RAB3GAP1: variants seen among roughly 807,000 people sequenced by gnomAD.
RAB3GAP1 encodes rab3 GTPase-activating protein catalytic subunit.
Under a neutral mutation model 130.7 loss-of-function variants are expected in RAB3GAP1, and 86 were observed. The ratio of observed to expected loss-of-function variants is 0.66; its 90% CI spans 0.55 to 0.79. The LOEUF (loss-of-function observed/expected upper bound fraction) is 0.79, where lower values mean the gene tolerates loss of function less well. Among genes scored for constraint, RAB3GAP1 ranks in the 30% least tolerant of loss-of-function variants. The pLI, the probability that RAB3GAP1 is intolerant of heterozygous loss-of-function variation, is 0.00. For synonymous variants in RAB3GAP1, 367 were observed against 401.7 expected, an observed-to-expected ratio of 0.91 and a Z score of 1.03; for missense variants, 1,029 against 1,169.4, an observed-to-expected ratio of 0.88 and a Z score of 1.75.
At chr2:135,129,250 A>G (rs1440372042) in intron 11 of RAB3GAP1, among the ~76,000 whole-genome samples, 2 of 152,008 alleles carry the variant, frequency 1.3e-5, no homozygotes, top group Non-Finnish European at 2.9e-5. Flanking sequence ...CAGGAGATCG[A>G]GACCATCCTG....
At chr2:135,156,154 CAG>C (rs898384598) in intron 19 of RAB3GAP1, among the ~76,000 whole-genome samples, 3 of 151,962 alleles carry the variant, frequency 2.0e-5, no homozygotes, top group Non-Finnish European at 2.9e-5. Flanking sequence ...CCAGTAAAAA[CAG>C]AAAGTATAAA....
At chr2:135,138,109 G>T in intron 17 of RAB3GAP1, among the ~76,000 whole-genome samples, 1 of 151,870 alleles carries the variant, frequency 6.6e-6, no homozygotes, top group East Asian at 1.9e-4. Context: ...TTACAGACAT[G>T]ATCCACTGCA....
chr2:135,135,411 C>A, intron 16 of RAB3GAP1, 92 bp downstream of exon 16: 1 of 1,444,862 alleles, frequency 6.9e-7, no homozygotes, highest in South Asian at 1.2e-5. Flanking sequence ...ATGCTGTTCT[C>A]ATGGTGCTGC....
intron 3 of RAB3GAP1, among the ~76,000 whole-genome samples, chr2:135,074,345 T>C (rs1689561787): frequency 6.6e-6 from 1 of 152,170 alleles, no homozygotes; most frequent in South Asian, 2.1e-4. Context: ...GAGAGAGCCT[T>C]CCTCCCTTCT....
At chr2:135,057,907 T>G (rs1689059367) in intron 2 of RAB3GAP1, 104 bp from the exon 3 acceptor site, 2 of 834,614 alleles carry the variant, frequency 2.4e-6, no homozygotes, top group African/African-American at 1.7e-5. Flanking sequence ...GAGTCCTCTC[T>G]GGTCAAATTG....
chr2:135,119,751 A>G (rs191889346), intron 7 of RAB3GAP1, among the ~76,000 whole-genome samples: 1 of 152,320 alleles, frequency 6.6e-6, no homozygotes, highest in East Asian at 1.9e-4. Flanking sequence ...TTGCTACTCA[A>G]AGTGTAGTCT....
chr2:135,127,522 T>G (rs1691390000), intron 11 of RAB3GAP1, among the ~76,000 whole-genome samples: 1 of 151,782 alleles, frequency 6.6e-6, no homozygotes, highest in Non-Finnish European at 1.5e-5. Context: ...TTTTGTGTTT[T>G]TAGTAGAGAC....
At chr2:135,146,199 C>CTTTTTTTTTT (rs1173567563) in intron 17 of RAB3GAP1, among the ~76,000 whole-genome samples, 29 of 96,516 alleles carry the variant, frequency 3.0e-4, no homozygotes, top group East Asian at 9.2e-4. Flanking sequence ...CATATTTGTT[C>CTTTTTTTTTT]TTTTTTTTTT....
At chr2:135,174,312 A>G (rs1692944064), downstream of RAB3GAP1, among the ~76,000 whole-genome samples, 1 of 151,790 alleles carries the variant, frequency 6.6e-6, no homozygotes, top group Admixed American at 6.6e-5. Context: ...AGCCCACCAC[A>G]AGCCCCATGA....
At chr2:135,090,341 G>A (rs558960389) in intron 3 of RAB3GAP1, among the ~76,000 whole-genome samples, 6 of 152,182 alleles carry the variant, frequency 3.9e-5, no homozygotes, top group African/African-American at 1.4e-4. Context: ...CTAGTTTGGG[G>A]CTATCTGTGC....
At chr2:135,060,721 T>C (rs1689144200) in intron 3 of RAB3GAP1, among the ~76,000 whole-genome samples, 1 of 151,796 alleles carries the variant, frequency 6.6e-6, no homozygotes, top group Admixed American at 6.6e-5. Context: ...ATTATTATTA[T>C]TTGAGACAGA....
chr2:135,081,306 C>CAAAAAA (rs1169138978), intron 3 of RAB3GAP1, among the ~76,000 whole-genome samples: 22 of 13,202 alleles, frequency 1.7e-3, no homozygotes, highest in Admixed American at 5.1e-3. Context: ...GACTCCGTCT[C>CAAAAAA]AAAAAAAAAA....
chr2:135,121,339 A>G (rs1406229162), intron 8 of RAB3GAP1, among the ~76,000 whole-genome samples: 1 of 152,238 alleles, frequency 6.6e-6, no homozygotes, highest in Non-Finnish European at 1.5e-5. Context: ...GGGCTAAACA[A>G]GGAAAGCAGA....
At chr2:135,097,869 GA>G (rs1237913951) in intron 5 of RAB3GAP1, among the ~76,000 whole-genome samples, 1 of 152,130 alleles carries the variant, frequency 6.6e-6, no homozygotes, top group African/African-American at 2.4e-5. Flanking sequence ...ATTTTTGTGT[GA>G]AAACACATTT....
chr2:135,108,741 G>C (rs1011775541), intron 5 of RAB3GAP1, among the ~76,000 whole-genome samples: 3 of 152,076 alleles, frequency 2.0e-5, no homozygotes, highest in African/African-American at 7.2e-5. Context: ...TGCCTTTGGT[G>C]TTGCATCTAA....
In RAB3GAP1 at chr2:135,150,949, T is replaced by C. The variant is rs566022427; in HGVS notation, c.2061+443T>C. ...TTGATTGAGGTTGTGGGAGGAGATATGTAAGGAACTGTCATGAGTTCTCTT... is the reference window on the plus strand; with the variant it reads ...TTGATTGAGGTTGTGGGAGGAGATACGTAAGGAACTGTCATGAGTTCTCTT... On this transcript the variant is annotated intron_variant, in intron 18 of 23. Transcript: ENST00000264158. Among the ~76,000 whole-genome samples, 16 of 152,254 alleles carry C rather than the reference T, an allele frequency of 1.1e-4. No homozygotes were observed. The East Asian group carries it at 1.9e-3, about 18-fold the overall frequency.
In RAB3GAP1 at chr2:135,124,188, G is replaced by A. The variant is rs775200351; in HGVS notation, c.772G>A (p.Glu258Lys). Residue 258 changes from glutamate to lysine, a missense_variant, in exon 9 of 24, where the codon GAA (glutamate) becomes AAA (lysine). Around this residue, in one of 3 missense-constraint regions of RAB3GAP1, gnomAD observed 510 missense variants for 532.1 expected, o/e 0.96. Coordinates refer to ENST00000264158, the MANE Select transcript of RAB3GAP1 (RefSeq NM_012233.3). ...AGACATAGATGCCCTTGTAGGAGGA[G>A]AAGTTGGAGGCTTGGAGTTTGGCAA... ...PPDIDALVGG[E>K]VGGLEFGKLP... The A allele has an allele frequency of 1.2e-6, 2 of 1,614,168 alleles. No individual in the cohort carries two copies. Among genetic ancestry groups the A allele is most frequent in the Middle Eastern group, 1.6e-4 (1 of 6,062 alleles).
chr2:135,105,414 G>A (rs936445076), intron 5 of RAB3GAP1, among the ~76,000 whole-genome samples: 1 of 151,978 alleles, frequency 6.6e-6, no homozygotes, highest in Non-Finnish European at 1.5e-5. Flanking sequence ...GTATTTTTTT[G>A]GTGGAGACGG....
intron 17 of RAB3GAP1, among the ~76,000 whole-genome samples, chr2:135,137,512 C>G (rs957489377): frequency 1.3e-5 from 2 of 152,150 alleles, no homozygotes; most frequent in African/African-American, 4.8e-5. Flanking sequence ...AAATAAGCAT[C>G]AGTTTCATTA....
Sources: gnomAD v4.1 joint callset for allele counts (sites outside exome capture counted in the v4.1 genomes callset) on GRCh38, gnomAD v4.1.1 for gene constraint, gnomAD v4.1.1 regional missense constraint, MANE v1.5 for transcripts, NCBI Gene and HGNC (gene_info 2026-07-23, HGNC 2026-07-21) for gene names.